The following ARHGAP19 variants were observed in gnomAD, a reference collection of about 807,000 sequenced individuals.
ARHGAP19 encodes the protein Rho GTPase activating protein 19, also known as rho GTPase-activating protein 19.
ARHGAP19 carries 48 observed loss-of-function variants against 60.9 expected under a neutral mutation model. The observed-to-expected ratio is 0.79, with a 90% CI of 0.62 to 1.00. The LOEUF (loss-of-function observed/expected upper bound fraction) is 1.00, where lower values mean the gene tolerates loss of function less well. ARHGAP19 is among the 50% of genes least tolerant of loss of function. The probability of loss-of-function intolerance (pLI) is 0.00; values close to 1 mark genes in which losing one functional copy is unlikely to be tolerated. For missense variants in ARHGAP19, 562 were observed against 597.2 expected, an observed-to-expected ratio of 0.94 and a Z score of 0.61; for synonymous variants, 209 against 215.5, an observed-to-expected ratio of 0.97 and a Z score of 0.27.
At chr10:97,265,229 T>C (rs1372478693) in intron 2 of ARHGAP19, among the ~76,000 whole-genome samples, 7 of 152,064 alleles carry the variant, frequency 4.6e-5, no homozygotes, top group African/African-American at 1.2e-4. Flanking sequence ...AGGCCAGGCA[T>C]GGTGGCTCAC....
chr10:97,234,042 G>T (rs1231739857), intron 9 of ARHGAP19, among the ~76,000 whole-genome samples: 1 of 151,716 alleles, frequency 6.6e-6, no homozygotes, highest in Non-Finnish European at 1.5e-5. Flanking sequence ...TGAGGCGGGT[G>T]AATCACCTGA....
chr10:97,270,662 C>T (rs918392258), intron 1 of ARHGAP19: 6 of 1,546,964 alleles, frequency 3.9e-6, no homozygotes, highest in Non-Finnish European at 4.4e-6. Flanking sequence ...AGGAAGAAAG[C>T]TTTCCCCTTG....
At chr10:97,260,364 C>T (rs1045380697) in intron 4 of ARHGAP19, among the ~76,000 whole-genome samples, 1 of 151,102 alleles carries the variant, frequency 6.6e-6, no homozygotes, top group South Asian at 2.1e-4. Context: ...CCTGTCTCTA[C>T]TAAAAATACA....
chr10:97,253,481 G>A (rs1842716181), intron 6 of ARHGAP19, among the ~76,000 whole-genome samples: 1 of 152,102 alleles, frequency 6.6e-6, no homozygotes, highest in Admixed American at 6.6e-5. Flanking sequence ...GTTACCAGAT[G>A]CTGGGATAGG....
chr10:97,283,932 CTTTTTT>C (rs926520287), intron 1 of ARHGAP19, among the ~76,000 whole-genome samples: 1 of 146,850 alleles, frequency 6.8e-6, no homozygotes, highest in Non-Finnish European at 1.5e-5. Context: ...TTTTTCTTTC[CTTTTTT>C]TTTCTTTTTT....
In ARHGAP19 at chr10:97,256,314, C is replaced by A. The variant is rs1842751815; in HGVS notation, c.927+4G>T. The A allele has an allele frequency of 6.2e-7, 1 of 1,610,646 alleles. No homozygotes were observed. The highest frequency in any genetic ancestry group is 2.2e-5 in the East Asian group (1 of 44,860). On this transcript the variant is annotated splice_donor_region_variant and intron_variant, in intron 6 of 11. Coordinates refer to ENST00000358531, the MANE Select transcript of ARHGAP19 (RefSeq NM_032900.6). ...TTACCAGCCAAATGCTATCCCTTACCTACCTTAAAAAGTTTCTGGGAGTGT... is the reference window on the plus strand; with the variant it reads ...TTACCAGCCAAATGCTATCCCTTACATACCTTAAAAAGTTTCTGGGAGTGT...
At chr10:97,281,025 C>T (rs1843077767) in intron 1 of ARHGAP19, among the ~76,000 whole-genome samples, 1 of 152,144 alleles carries the variant, frequency 6.6e-6, no homozygotes. Context: ...CAAGAGACAG[C>T]TAATGGTTTT....
In ARHGAP19 at chr10:97,246,280, C is replaced by T; in HGVS notation, c.985G>A (p.Ala329Thr). The change falls in exon 7 of 12, where the codon GCA becomes ACA. Residue 329 changes from alanine (A) to threonine (T), a missense_variant. By Grantham distance (58) the Ala-to-Thr change is moderately conservative. Coordinates refer to ENST00000358531, the MANE Select transcript of ARHGAP19 (RefSeq NM_032900.6). ...CAGATTCCTATTCTTACCTTTGATG[C>T]CTGAGTTCTGGATCCCAAATAGTGC... The part of the protein sequence containing the change: ...RLHYLGSRTQ[A>T]SKDDLDLIAS... 6.2e-7 allele frequency: 1 copy of T among 1,613,580 alleles called. No homozygotes were observed. The highest frequency in any genetic ancestry group is 8.5e-7 in the Non-Finnish European group (1 of 1,179,630).
At chr10:97,273,391 G>GACCTC (rs1376026318) in intron 1 of ARHGAP19, among the ~76,000 whole-genome samples, 13 of 150,368 alleles carry the variant, frequency 8.6e-5, no homozygotes, top group Admixed American at 1.3e-4. Context: ...TCGAACTCCT[G>GACCTC]ACCTCAGGTG....
At chr10:97,234,831 A>G (rs1200858528) in intron 9 of ARHGAP19, among the ~76,000 whole-genome samples, 2 of 152,232 alleles carry the variant, frequency 1.3e-5, no homozygotes, top group Non-Finnish European at 2.9e-5. Flanking sequence ...GTTTTCTAAC[A>G]GTTTCCCTAG....
rs774816898 is a variant in ARHGAP19, at chr10:97,235,283, C to A, written c.1218G>T (p.Gly406=). ...GTACCTGGGAAGTAGAAGGTTCTCG[C>A]CCTGGTGTCTGGGTCAATGATTGCT... is the stretch of plus-strand genomic sequence containing the variant. ...FNKQSLTQTP[G]REPSTSQVQK... Residue 406 remains glycine, a synonymous_variant, in exon 9 of 12, where the codon GGG becomes GGT. Transcript: ENST00000358531. 70 of 1,613,740 alleles carry A rather than the reference C, an allele frequency of 4.3e-5. No homozygotes were observed. The highest frequency in any genetic ancestry group is 5.8e-5 in the Non-Finnish European group (69 of 1,179,762).
At chr10:97,288,645 A>G (rs1359212974) in intron 1 of ARHGAP19, among the ~76,000 whole-genome samples, 1 of 152,024 alleles carries the variant, frequency 6.6e-6, no homozygotes, top group Admixed American at 6.6e-5. Flanking sequence ...AGAGCAAGAA[A>G]GAATCTGTAA....
At chr10:97,289,115 C>CTT (rs769116702) in intron 1 of ARHGAP19, among the ~76,000 whole-genome samples, 5 of 114,450 alleles carry the variant, frequency 4.4e-5, no homozygotes, top group Non-Finnish European at 7.3e-5. Flanking sequence ...CCGTGCCCGG[C>CTT]TTTTTTTTTT....
chr10:97,232,152 C>CTTT (rs1390487823), intron 9 of ARHGAP19, among the ~76,000 whole-genome samples: 1 of 123,068 alleles, frequency 8.1e-6, no homozygotes, highest in African/African-American at 3.3e-5. Context: ...CCTTTGCTCA[C>CTTT]TATTTTTTTT....
At position 97,266,169 on chromosome 10, in the gene ARHGAP19, TG is replaced by T. The variant is rs778783107; in HGVS notation, c.57-45del. 1.9e-6 allele frequency: 3 copies of T among 1,604,540 alleles called. No homozygotes were observed. The South Asian group carries it at 3.3e-5, about 18-fold the overall frequency. ...AATCTTTCGGGACATCATTTTTGTA[TG>T]TTTCTTATGCACTACTCATTGGGTT... On this transcript the variant is annotated intron_variant, in intron 1 of 11. Coordinates refer to ENST00000358531, the MANE Select transcript of ARHGAP19 (RefSeq NM_032900.6).
intron 5 of ARHGAP19, among the ~76,000 whole-genome samples, chr10:97,257,950 A>G (rs924605275): frequency 1.6e-4 from 25 of 152,328 alleles, no homozygotes; most frequent in African/African-American, 6.0e-4. Flanking sequence ...TAAGGCATCA[A>G]TAGGTTCTTG....
At chr10:97,230,055 C>G (rs943961634) in intron 9 of ARHGAP19, among the ~76,000 whole-genome samples, 181 bp from the exon 10 acceptor site, 1 of 152,024 alleles carries the variant, frequency 6.6e-6, no homozygotes, top group Admixed American at 6.6e-5. Flanking sequence ...CCAAAAAAAC[C>G]CAAAATCATT....
intron 9 of ARHGAP19, among the ~76,000 whole-genome samples, chr10:97,233,092 T>C (rs1313495856): frequency 6.6e-6 from 1 of 151,668 alleles, no homozygotes; most frequent in Non-Finnish European, 1.5e-5. Context: ...GAGGTTGCAG[T>C]GAGCTGAGAT....
intron 1 of ARHGAP19, among the ~76,000 whole-genome samples, chr10:97,282,839 C>CTTTTTTTTTTTTTTT (rs56387291): frequency 1.1e-5 from 1 of 90,990 alleles, no homozygotes; most frequent in African/African-American, 3.7e-5. Flanking sequence ...TTTCTTTTTT[C>CTTTTTTTTTTTTTTT]TTTTTTTTTT....
Sources: gnomAD v4.1 joint callset for allele counts (sites outside exome capture counted in the v4.1 genomes callset) on GRCh38, gnomAD v4.1.1 for gene constraint, MANE v1.5 for transcripts, NCBI Gene and HGNC (gene_info 2026-07-23, HGNC 2026-07-21) for gene names.